ANO3: variants seen among roughly 807,000 people sequenced by gnomAD.
ANO3 encodes anoctamin 3.
In ANO3, 99 loss-of-function variants were observed where a neutral mutation model predicts 144.8. The ratio of observed to expected loss-of-function variants is 0.68; its 90% confidence interval spans 0.58 to 0.81. The LOEUF (loss-of-function observed/expected upper bound fraction) is 0.81, where lower values mean the gene tolerates loss of function less well. Ranked by LOEUF, ANO3 falls within the 30% of genes least tolerant of loss-of-function variation. The pLI is 0.00. For missense variants in ANO3, 905 were observed against 1,202.2 expected (o/e 0.75, Z 3.66); for synonymous variants, 414 against 392.6 (o/e 1.05, Z -0.64).
intron 17 of ANO3, among the ~76,000 whole-genome samples, chr11:26,604,075 C>T (rs11029632): frequency 0.26 from 38,919 of 151,884 alleles, 5,095 homozygotes; most frequent in Middle Eastern, 0.31. Context: ...TAATTTTGTA[C>T]CCATTGATCA....
At position 26,620,559 on chromosome 11, in the gene ANO3, G is replaced by A. The variant is rs531712160; in HGVS notation, c.1837-3903G>A. Among the ~76,000 whole-genome samples the A allele has an allele frequency of 1.4e-3, 205 of 151,822 alleles. 1 individual carries two copies. Among genetic ancestry groups the A allele is most frequent in the African/African-American group, 4.7e-3 (196 of 41,414 alleles). ...TAAATTAAAGAATGAACTCCTTTTG[G>A]GTTTCCTCCTCTGATTTTAAAATCC... On this transcript the variant is annotated intron_variant, in intron 17 of 26. Coordinates refer to ENST00000256737, the MANE Select transcript of ANO3 (RefSeq NM_031418.4).
chr11:26,235,369 ATGTG>A (rs1253392313), intron 1 of ANO3, among the ~76,000 whole-genome samples: 1 of 152,164 alleles, frequency 6.6e-6, no homozygotes, highest in African/African-American at 2.4e-5. Context: ...CCATTATTAA[ATGTG>A]TGTGTATGTG....
chr11:26,440,084 CG>C (rs1858458846), intron 1 of ANO3, among the ~76,000 whole-genome samples: 1 of 151,914 alleles, frequency 6.6e-6, no homozygotes, highest in African/African-American at 2.4e-5. Context: ...GGGCGGAGGG[CG>C]GGGGTGGTTC....
At chr11:26,510,132 C>CAAA (rs67543168) in intron 5 of ANO3, among the ~76,000 whole-genome samples, 12 of 46,492 alleles carry the variant, frequency 2.6e-4, no homozygotes, top group Non-Finnish European at 3.8e-4. Flanking sequence ...GACTCCATCT[C>CAAA]AAAAAAAAAA....
intron 14 of ANO3, among the ~76,000 whole-genome samples, chr11:26,573,096 A>G (rs1168691331): frequency 1.3e-5 from 2 of 152,146 alleles, no homozygotes; most frequent in East Asian, 1.9e-4. Context: ...TCAGCTCAAT[A>G]TGCCTGAGGT....
intron 1 of ANO3, among the ~76,000 whole-genome samples, chr11:26,303,554 G>T (rs547311510): frequency 6.6e-6 from 1 of 151,998 alleles, no homozygotes; most frequent in Admixed American, 6.6e-5. Context: ...AGAGGGAGAC[G>T]GAGGAAGGAA....
intron 1 of ANO3, among the ~76,000 whole-genome samples, chr11:26,351,956 A>G (rs1251214191): frequency 1.3e-5 from 2 of 152,218 alleles, no homozygotes; most frequent in Non-Finnish European, 2.9e-5. Context: ...CTATGTATTA[A>G]CAGCCAAGTA....
At chr11:26,517,741 A>G (rs1472203028) in intron 6 of ANO3, among the ~76,000 whole-genome samples, 2 of 152,050 alleles carry the variant, frequency 1.3e-5, no homozygotes. Context: ...AATTTCTCAG[A>G]CCTGCTAGCA....
chr11:26,274,761 ATAAAG>A (rs1178730510), intron 1 of ANO3, among the ~76,000 whole-genome samples: 6 of 152,132 alleles, frequency 3.9e-5, no homozygotes, highest in Non-Finnish European at 1.5e-5. Flanking sequence ...GAAACTTCAA[ATAAAG>A]TAAGCAGAGA....
chr11:26,653,421 C>T (rs571497594), intron 24 of ANO3, among the ~76,000 whole-genome samples: 1 of 152,122 alleles, frequency 6.6e-6, no homozygotes, highest in South Asian at 2.1e-4. Flanking sequence ...CCTTTTCATA[C>T]CACTTCCACT....
chr11:26,299,025 T>C (rs1480222196), intron 1 of ANO3, among the ~76,000 whole-genome samples: 1 of 152,188 alleles, frequency 6.6e-6, no homozygotes, highest in Non-Finnish European at 1.5e-5. Flanking sequence ...GGACTGGAGA[T>C]GTACGTTTAG....
In ANO3 at chr11:26,537,459, G is replaced by T; in HGVS notation, c.1030G>T (p.Glu344Ter). ...GSYIAAFPPH[E>*]GAYKSSQPIK... ...ATACATAGCAGCGTTTCCACCACAT[G>T]AGGTAATTTTGAAATACAGTTTCCG... Residue 344 changes from glutamate (E) to a stop codon, truncating the protein, a stop_gained and splice_region_variant, in exon 10 of 27, where the codon GAG (glutamate) becomes TAG (stop). Transcript: ENST00000256737. LOFTEE classifies it high-confidence loss of function. The T allele has an allele frequency of 6.2e-7, 1 of 1,612,836 alleles. No homozygotes were observed. The highest frequency in any genetic ancestry group is 8.5e-7 in the Non-Finnish European group (1 of 1,178,808).
chr11:26,624,365 T>C (rs774408345), intron 17 of ANO3, 97 bp from the exon 18 acceptor site: 38 of 829,680 alleles, frequency 4.6e-5, no homozygotes, highest in Non-Finnish European at 7.1e-5. Flanking sequence ...GTAACCACTG[T>C]ATAACATACA....
intron 1 of ANO3, among the ~76,000 whole-genome samples, chr11:26,257,397 A>G (rs1282020611): frequency 6.6e-6 from 1 of 152,108 alleles, no homozygotes; most frequent in East Asian, 1.9e-4. Flanking sequence ...CTCCAAAACC[A>G]TTGCTTCAAA....
intron 1 of ANO3, among the ~76,000 whole-genome samples, chr11:26,425,733 G>T (rs984326757): frequency 6.6e-6 from 1 of 152,052 alleles, no homozygotes; most frequent in Non-Finnish European, 1.5e-5. Context: ...AGCACACAAG[G>T]TGGGTGAATA....
At chr11:26,634,918 A>G in intron 19 of ANO3, 95 bp from the exon 20 acceptor site, 1 of 955,330 alleles carries the variant, frequency 1.0e-6, no homozygotes, top group Non-Finnish European at 1.7e-6. Context: ...GTGAGCGTTT[A>G]TGTCTACCCA....
chr11:26,394,905 A>G (rs1249076725), intron 1 of ANO3, among the ~76,000 whole-genome samples: 1 of 152,142 alleles, frequency 6.6e-6, no homozygotes, highest in African/African-American at 2.4e-5. Flanking sequence ...TGATTTCTAT[A>G]GATTTTCAAA....
intron 1 of ANO3, 66 bp from the exon 2 acceptor site, chr11:26,441,852 A>C: frequency 8.1e-7 from 1 of 1,240,240 alleles, no homozygotes; most frequent in Admixed American, 2.2e-5. Flanking sequence ...CACAAGAATT[A>C]AAACTTTTTA....
chr11:26,426,154 A>C (rs1235366477), intron 1 of ANO3, among the ~76,000 whole-genome samples: 1 of 152,206 alleles, frequency 6.6e-6, no homozygotes, highest in Non-Finnish European at 1.5e-5. Context: ...CAATAAGAAA[A>C]GTCTAACAAT....
Sources: gnomAD v4.1 joint callset for allele counts (sites outside exome capture counted in the v4.1 genomes callset) on GRCh38, gnomAD v4.1.1 for gene constraint, MANE v1.5 for transcripts, NCBI Gene and HGNC (gene_info 2026-07-23, HGNC 2026-07-21) for gene names.